GPC5: variants seen among roughly 807,000 people sequenced by gnomAD.
GPC5 encodes glypican-5.
In GPC5, 47 loss-of-function variants were observed where a neutral mutation model predicts 53.9. The observed-to-expected ratio is 0.87, with a 90% CI of 0.69 to 1.11. GPC5 has a LOEUF of 1.11. Ranked by LOEUF, GPC5 falls within the 50% of genes most tolerant of loss-of-function variation. GPC5 has a pLI of 0.00. For missense variants in GPC5, 748 were observed against 713.1 expected (o/e 1.05, Z -0.56); for synonymous variants, 286 against 263.3 (o/e 1.09, Z -0.84).
At chr13:92,609,882 T>G (rs1276866866) in intron 7 of GPC5, among the ~76,000 whole-genome samples, 1 of 151,746 alleles carries the variant, frequency 6.6e-6, no homozygotes, top group East Asian at 1.9e-4. Context: ...AATACAAAAA[T>G]TAGCCAGGCA....
chr13:91,907,617 A>C (rs1314470962), intron 5 of GPC5, among the ~76,000 whole-genome samples: 1 of 150,676 alleles, frequency 6.6e-6, no homozygotes, highest in Non-Finnish European at 1.5e-5. Context: ...CATATGTATA[A>C]TTCAGCAAGA....
intron 7 of GPC5, among the ~76,000 whole-genome samples, chr13:92,280,111 A>G (rs952274822): frequency 6.6e-6 from 1 of 152,034 alleles, no homozygotes; most frequent in South Asian, 2.1e-4. Flanking sequence ...ATTTTTTTCT[A>G]CATTTGATAA....
At chr13:92,761,719 A>C (rs1875183005) in intron 7 of GPC5, among the ~76,000 whole-genome samples, 1 of 152,276 alleles carries the variant, frequency 6.6e-6, no homozygotes, top group Admixed American at 6.5e-5. Context: ...ACATTAAAGT[A>C]ATTATTGATA....
chr13:92,112,585 A>G (rs541295911), intron 6 of GPC5, among the ~76,000 whole-genome samples: 4 of 152,246 alleles, frequency 2.6e-5, no homozygotes, highest in South Asian at 4.1e-4. Context: ...TCAAGCTACA[A>G]GAGAAGGCAA....
intron 7 of GPC5, among the ~76,000 whole-genome samples, chr13:92,843,327 G>A (rs923032153): frequency 2.0e-5 from 3 of 152,086 alleles, no homozygotes; most frequent in African/African-American, 4.8e-5. Context: ...AGTCTAATTC[G>A]CTGAGCATTT....
At chr13:91,582,010 A>G (rs2032381857) in intron 2 of GPC5, among the ~76,000 whole-genome samples, 2 of 152,106 alleles carry the variant, frequency 1.3e-5, no homozygotes, top group African/African-American at 4.8e-5. Context: ...AGGCTTAGGG[A>G]GGCTTTCTTG....
intron 7 of GPC5, among the ~76,000 whole-genome samples, chr13:92,808,949 A>G (rs191397005): frequency 9.1e-4 from 139 of 152,214 alleles, no homozygotes; most frequent in African/African-American, 3.2e-3. Context: ...GAAAGACAAG[A>G]TACTAGGAGC....
At chr13:91,498,932 CTG>C (rs1360852680) in intron 2 of GPC5, among the ~76,000 whole-genome samples, 3 of 151,694 alleles carry the variant, frequency 2.0e-5, no homozygotes, top group Non-Finnish European at 4.4e-5. Context: ...GATCTTACCA[CTG>C]CACTCCAGCC....
intron 5 of GPC5, among the ~76,000 whole-genome samples, chr13:91,809,467 A>G (rs957824583): frequency 1.9e-4 from 29 of 152,094 alleles, no homozygotes; most frequent in Non-Finnish European, 5.9e-5. Flanking sequence ...AAAACTGTAA[A>G]TCCTCTGGCT....
At chr13:92,214,156 C>G (rs747696402) in intron 7 of GPC5, among the ~76,000 whole-genome samples, 20 of 152,290 alleles carry the variant, frequency 1.3e-4, no homozygotes, top group Admixed American at 3.3e-4. Flanking sequence ...GCAATACCCT[C>G]TGTCCTTCAC....
intron 2 of GPC5, among the ~76,000 whole-genome samples, chr13:91,559,978 C>G (rs1295720431): frequency 1.3e-5 from 2 of 152,106 alleles, no homozygotes; most frequent in African/African-American, 4.8e-5. Flanking sequence ...CTGAAGGGTA[C>G]TAGACTAAAG....
chr13:92,201,013 A>ACACACACG, intron 7 of GPC5, among the ~76,000 whole-genome samples: 1 of 150,714 alleles, frequency 6.6e-6, no homozygotes, highest in Middle Eastern at 3.2e-3. Flanking sequence ...ACACACACGC[A>ACACACACG]CACACACGGG....
intron 7 of GPC5, among the ~76,000 whole-genome samples, chr13:92,711,828 G>C (rs999512285): frequency 8.6e-5 from 13 of 151,938 alleles, no homozygotes; most frequent in Non-Finnish European, 1.5e-4. Context: ...AATGAACCAT[G>C]AGTTAAACAG....
chr13:92,306,396 G>A (rs955332875), intron 7 of GPC5, among the ~76,000 whole-genome samples: 1 of 152,158 alleles, frequency 6.6e-6, no homozygotes, highest in Non-Finnish European at 1.5e-5. Flanking sequence ...AAAAAGAGGA[G>A]CACTGGGGAT....
chr13:92,104,989 T>G (rs2041497615), intron 6 of GPC5, among the ~76,000 whole-genome samples: 2 of 152,278 alleles, frequency 1.3e-5, no homozygotes, highest in East Asian at 1.9e-4. Context: ...AACTTCTGTG[T>G]TCATATTTTT....
chr13:91,828,987 A>G (rs973961549), intron 5 of GPC5, among the ~76,000 whole-genome samples: 12 of 152,218 alleles, frequency 7.9e-5, no homozygotes, highest in African/African-American at 2.6e-4. Flanking sequence ...ACATAATGTC[A>G]AAGTGTTACC....
intron 7 of GPC5, among the ~76,000 whole-genome samples, chr13:92,439,776 T>C (rs936355279): frequency 2.0e-5 from 3 of 151,994 alleles, no homozygotes; most frequent in African/African-American, 7.2e-5. Context: ...CAGAAGAAAA[T>C]AAGAAAGAAG....
chr13:92,642,614 G>A (rs1566337953), intron 7 of GPC5, among the ~76,000 whole-genome samples: 1 of 152,184 alleles, frequency 6.6e-6, no homozygotes, highest in Non-Finnish European at 1.5e-5. Context: ...CTACATCTGG[G>A]CTACTACTCA....
intron 2 of GPC5, among the ~76,000 whole-genome samples, chr13:91,574,284 A>C (rs2032051691): frequency 6.6e-6 from 1 of 152,140 alleles, no homozygotes. Flanking sequence ...TAAACCAAAG[A>C]CTTAAACTTT....
Sources: allele counts gnomAD v4.1 joint callset (sites outside exome capture counted in the v4.1 genomes callset), GRCh38; gene constraint gnomAD v4.1.1; transcripts MANE v1.5; gene names NCBI Gene and HGNC (gene_info 2026-07-23, HGNC 2026-07-21).